Variants in PCDH15 observed in about 807,000 individuals in gnomAD.
PCDH15 encodes the protein protocadherin-15.
Under a neutral mutation model 178.5 loss-of-function variants are expected in PCDH15, and 129 were observed. The ratio of observed to expected loss-of-function variants is 0.72; its 90% CI spans 0.63 to 0.84. The LOEUF is 0.84. PCDH15 is among the 40% of genes least tolerant of loss of function. The pLI, the probability that PCDH15 is intolerant of heterozygous loss-of-function variation, is 0.00. For synonymous variants in PCDH15, 800 were observed against 732.0 expected, an observed-to-expected ratio of 1.09 and a Z score of -1.50; for missense variants, 2,230 against 2,099.9, an observed-to-expected ratio of 1.06 and a Z score of -1.21.
chr10:53,830,453 T>A (rs1413626300), intron 30 of PCDH15, among the ~76,000 whole-genome samples: 2 of 152,216 alleles, frequency 1.3e-5, no homozygotes, highest in African/African-American at 4.8e-5. Context: ...TGTCTGCTAT[T>A]TATTTTCTTT....
At chr10:54,567,342 G>A (rs186793230) in intron 2 of PCDH15, among the ~76,000 whole-genome samples, 8 of 152,148 alleles carry the variant, frequency 5.3e-5, no homozygotes, top group East Asian at 1.9e-4. Context: ...TTTCAATGAA[G>A]GTCAGATTAT....
chr10:54,315,198 G>T (rs574121500), intron 8 of PCDH15, among the ~76,000 whole-genome samples: 1 of 152,210 alleles, frequency 6.6e-6, no homozygotes, highest in South Asian at 2.1e-4. Flanking sequence ...GCCAGCATCT[G>T]TTATTTTTTG....
rs545568021 is a variant in PCDH15 at position 55,018,877 on chromosome 10, C to T, written c.-79-121377G>A. 1.8e-4 allele frequency among the ~76,000 whole-genome samples: 28 copies of T among 152,178 alleles called. No homozygotes were observed. The South Asian group carries it at 5.8e-3, about 32-fold the overall frequency. On this transcript the variant is annotated intron_variant, in intron 2 of 5. Transcript: ENST00000458638. ...TATATACCTCGTATAGGATAAAATA[C>T]TGTGGATTTCTCTAGTGTATCTTAG...
chr10:54,217,188 G>A (rs2052183087), intron 9 of PCDH15, among the ~76,000 whole-genome samples: 1 of 151,990 alleles, frequency 6.6e-6, no homozygotes, highest in African/African-American at 2.4e-5. Context: ...AGCTACATAT[G>A]TTATATATTA....
intron 26 of PCDH15, among the ~76,000 whole-genome samples, chr10:53,898,152 G>A (rs1416639495): frequency 1.7e-5 from 1 of 59,854 alleles, no homozygotes; most frequent in Non-Finnish European, 2.8e-5. Context: ...ATTTTTAGTA[G>A]AGACGGGGGT....
At position 55,117,991 on chromosome 10, in the gene PCDH15, C is replaced by G. The variant is rs114904395; in HGVS notation, c.-80+48585G>C. Among the ~76,000 whole-genome samples the G allele has an allele frequency of 2.2e-3, 333 of 152,134 alleles. 3 individuals carry two copies. The highest frequency in any genetic ancestry group is 7.6e-3 in the African/African-American group (316 of 41,504). On this transcript the variant is annotated intron_variant, in intron 2 of 5. Transcript: ENST00000458638. Reference sequence around the variant, plus strand: ...TATGCAAACGGAGGCCTTGTGGAGTCCATTTGCTTGAGAGAAAGCTATAAG... The same window carrying G: ...TATGCAAACGGAGGCCTTGTGGAGTGCATTTGCTTGAGAGAAAGCTATAAG...
chr10:55,096,044 A>G (rs1374731962), intron 2 of PCDH15, among the ~76,000 whole-genome samples: 1 of 152,120 alleles, frequency 6.6e-6, no homozygotes, highest in African/African-American at 2.4e-5. Flanking sequence ...TATATTTAGC[A>G]ATCTCCCCAG....
At chr10:54,807,876 A>G (rs1294444961) in intron 3 of PCDH15, among the ~76,000 whole-genome samples, 1 of 151,572 alleles carries the variant, frequency 6.6e-6, no homozygotes, top group East Asian at 1.9e-4. Context: ...TAGATTTAAA[A>G]TTATCTTCAT....
intron 3 of PCDH15, among the ~76,000 whole-genome samples, chr10:54,503,260 T>TGA: frequency 7.7e-6 from 1 of 130,404 alleles, no homozygotes; most frequent in Non-Finnish European, 1.6e-5. Flanking sequence ...TGTGTGTGTG[T>TGA]GTGTGATTAT....
chr10:54,437,652 T>C lies in PCDH15; in HGVS notation c.158-58710A>G, dbSNP rs113943915. Among the ~76,000 whole-genome samples the C allele has an allele frequency of 7.7e-3, 1,176 of 152,266 alleles. 16 individuals carry two copies. Among genetic ancestry groups the C allele is most frequent in the African/African-American group, 0.027 (1,108 of 41,548 alleles). On this transcript the variant is annotated intron_variant, in intron 3 of 37. Transcript: ENST00000644397. Reference sequence around the variant, plus strand: ...GCCTCTATTGTCCAGTTAGGCCTGATTTTAGTCTGGCATACAATTAAATCT... The same window carrying C: ...GCCTCTATTGTCCAGTTAGGCCTGACTTTAGTCTGGCATACAATTAAATCT...
At chr10:54,330,208 G>A (rs541636901) in intron 6 of PCDH15, among the ~76,000 whole-genome samples, 61 of 151,806 alleles carry the variant, frequency 4.0e-4, no homozygotes, top group African/African-American at 1.4e-3. Context: ...TAGTGATGAG[G>A]TACATTCCGA....
At chr10:55,432,462 G>A (rs1295600006) in intron 2 of PCDH15, among the ~76,000 whole-genome samples, 3 of 152,106 alleles carry the variant, frequency 2.0e-5, no homozygotes, top group African/African-American at 7.2e-5. Flanking sequence ...TTGAAAATGG[G>A]TTATTGGAAG....
chr10:54,793,866 T>A (rs1170587169), intron 1 of PCDH15, among the ~76,000 whole-genome samples: 1 of 148,696 alleles, frequency 6.7e-6, no homozygotes, highest in Admixed American at 6.7e-5. Context: ...AACATCATAA[T>A]CATGTTATTT....
intron 26 of PCDH15, among the ~76,000 whole-genome samples, chr10:53,878,217 T>C (rs1219102623): frequency 5.8e-4 from 8 of 13,682 alleles, no homozygotes; most frequent in Non-Finnish European, 1.2e-3. Flanking sequence ...ACACTTTGAA[T>C]ATATATATAT....
intron 2 of PCDH15, among the ~76,000 whole-genome samples, chr10:55,489,682 C>G (rs1392454193): frequency 6.6e-6 from 1 of 151,612 alleles, no homozygotes; most frequent in Non-Finnish European, 1.5e-5. Flanking sequence ...TAAACACAGA[C>G]AGCAAACACA....
At chr10:55,612,114 G>A (rs1490633171) in intron 2 of PCDH15, among the ~76,000 whole-genome samples, 1 of 151,930 alleles carries the variant, frequency 6.6e-6, no homozygotes, top group African/African-American at 2.4e-5. Context: ...TTGAGCAATA[G>A]GGTAATTATA....
intron 2 of PCDH15, among the ~76,000 whole-genome samples, chr10:55,540,901 G>A (rs572827831): frequency 6.6e-6 from 1 of 152,134 alleles, no homozygotes; most frequent in Non-Finnish European, 1.5e-5. Flanking sequence ...AACGTCTGTA[G>A]AATTGCCACC....
At chr10:54,514,281 A>G (rs992800177) in intron 3 of PCDH15, among the ~76,000 whole-genome samples, 64 of 152,254 alleles carry the variant, frequency 4.2e-4, no homozygotes, top group Non-Finnish European at 7.2e-4. Flanking sequence ...TCTAAAGAAA[A>G]CATATATATA....
chr10:55,155,309 T>C (rs1447332291), intron 2 of PCDH15, among the ~76,000 whole-genome samples: 8 of 152,028 alleles, frequency 5.3e-5, no homozygotes, highest in Admixed American at 5.3e-4. Context: ...ATAATTTTAT[T>C]ATTTATATGT....
Sources: gnomAD v4.1 joint callset for allele counts (sites outside exome capture counted in the v4.1 genomes callset) on GRCh38, gnomAD v4.1.1 for gene constraint, MANE v1.5 for transcripts, NCBI Gene and HGNC (gene_info 2026-07-23, HGNC 2026-07-21) for gene names.